MAN1A2: variants seen among roughly 807,000 people sequenced by gnomAD.
MAN1A2 encodes mannosyl-oligosaccharide 1,2-alpha-mannosidase IB.
MAN1A2 carries 26 observed loss-of-function variants against 75.7 expected under a neutral mutation model. The ratio of observed to expected loss-of-function variants is 0.34; its 90% CI spans 0.25 to 0.48. The LOEUF is 0.48. Among genes scored for constraint, MAN1A2 ranks in the 20% least tolerant of loss-of-function variants. The probability of loss-of-function intolerance (pLI) is 0.99; values close to 1 mark genes in which losing one functional copy is unlikely to be tolerated. For missense variants in MAN1A2, 562 were observed against 775.5 expected (o/e 0.72, Z 3.27); for synonymous variants, 247 against 264.6 (o/e 0.93, Z 0.65).
At chr1:117,511,367 G>A (rs542923205) in intron 12 of MAN1A2, among the ~76,000 whole-genome samples, 1 of 152,098 alleles carries the variant, frequency 6.6e-6, no homozygotes, top group East Asian at 1.9e-4. Context: ...TAGAGATGCG[G>A]GTCTTGCTAA....
At chr1:117,480,249 C>G (rs1051155932) in intron 8 of MAN1A2, among the ~76,000 whole-genome samples, 1 of 151,880 alleles carries the variant, frequency 6.6e-6, no homozygotes, top group African/African-American at 2.4e-5. Context: ...CTGTAGCTTC[C>G]CCAGTCTTTC....
At chr1:117,384,514 C>T (rs1653455391) in intron 1 of MAN1A2, among the ~76,000 whole-genome samples, 1 of 152,004 alleles carries the variant, frequency 6.6e-6, no homozygotes, top group African/African-American at 2.4e-5. Flanking sequence ...TTTTGTGGCT[C>T]AAAATGTGGT....
At chr1:117,417,518 G>T in intron 4 of MAN1A2, among the ~76,000 whole-genome samples, 2 of 61,028 alleles carry the variant, frequency 3.3e-5, no homozygotes, top group Admixed American at 1.8e-4. Context: ...TGACTTTGGA[G>T]ATATCCTTGA....
intron 4 of MAN1A2, among the ~76,000 whole-genome samples, chr1:117,417,354 A>G (rs938435429): frequency 6.6e-6 from 1 of 151,498 alleles, no homozygotes; most frequent in Non-Finnish European, 1.5e-5. Flanking sequence ...TACTATGATA[A>G]CATATTTGGA....
chr1:117,414,357 CT>C (rs1318427859), intron 3 of MAN1A2, among the ~76,000 whole-genome samples: 1 of 150,286 alleles, frequency 6.7e-6, no homozygotes. Flanking sequence ...AATTAATCCT[CT>C]TTTTTTTTCC....
At chr1:117,408,505 G>A (rs1041506223) in intron 3 of MAN1A2, among the ~76,000 whole-genome samples, 30 of 151,838 alleles carry the variant, frequency 2.0e-4, no homozygotes, top group Non-Finnish European at 2.1e-4. Context: ...ATGTAAATAT[G>A]TTCCTTTTGT....
chr1:117,475,870 G>A (rs1297377615), intron 8 of MAN1A2, among the ~76,000 whole-genome samples: 3 of 152,108 alleles, frequency 2.0e-5, no homozygotes. Context: ...AATCCTTTGG[G>A]TGTATACCCA....
At chr1:117,441,552 A>G (rs1649035125) in intron 5 of MAN1A2, among the ~76,000 whole-genome samples, 1 of 152,136 alleles carries the variant, frequency 6.6e-6, no homozygotes. Flanking sequence ...ACACTTACCT[A>G]TTGGGATATA....
At chr1:117,393,180 A>T (rs1356273034) in intron 1 of MAN1A2, among the ~76,000 whole-genome samples, 1 of 152,190 alleles carries the variant, frequency 6.6e-6, no homozygotes, top group African/African-American at 2.4e-5. Context: ...GAGTATGTTC[A>T]TTTGCTGTTG....
chr1:117,491,334 G>A (rs1414725295), intron 8 of MAN1A2, among the ~76,000 whole-genome samples: 2 of 151,966 alleles, frequency 1.3e-5, no homozygotes, highest in Non-Finnish European at 2.9e-5. Context: ...AAATCCTAGG[G>A]CCTCTAAGAA....
At chr1:117,418,465 A>T (rs1202551499) in intron 4 of MAN1A2, among the ~76,000 whole-genome samples, 2 of 152,168 alleles carry the variant, frequency 1.3e-5, no homozygotes, top group East Asian at 3.8e-4. Context: ...CTTAATAGAT[A>T]TTAAAACTGA....
At chr1:117,519,005 A>G (rs894173782) in intron 12 of MAN1A2, among the ~76,000 whole-genome samples, 7 of 152,124 alleles carry the variant, frequency 4.6e-5, no homozygotes, top group African/African-American at 1.7e-4. Flanking sequence ...CCACAGTGGA[A>G]TAAAACTGGA....
chr1:117,509,087 A>G (rs1357603675), intron 12 of MAN1A2, among the ~76,000 whole-genome samples: 1 of 151,458 alleles, frequency 6.6e-6, no homozygotes, highest in African/African-American at 2.4e-5. Flanking sequence ...ATCATTGAAG[A>G]AAAGATTGAG....
chr1:117,521,073 CT>C (rs1651858240), intron 12 of MAN1A2, among the ~76,000 whole-genome samples: 1 of 152,008 alleles, frequency 6.6e-6, no homozygotes, highest in African/African-American at 2.4e-5. Flanking sequence ...TAAAGACACC[CT>C]TTTCAACAAA....
intron 8 of MAN1A2, among the ~76,000 whole-genome samples, chr1:117,472,669 CTTTTTATTATTA>C (rs1486055713): frequency 6.6e-6 from 1 of 151,964 alleles, no homozygotes; most frequent in Non-Finnish European, 1.5e-5. Context: ...TTCACTCAGT[CTTTTTATTATTA>C]TTATTAGTTT....
intron 3 of MAN1A2, among the ~76,000 whole-genome samples, chr1:117,410,303 G>C (rs1485769707): frequency 6.6e-6 from 1 of 151,838 alleles, no homozygotes; most frequent in Non-Finnish European, 1.5e-5. Flanking sequence ...TGTAGTTTAA[G>C]ATATCAGTAT....
rs1455899365 is a variant in MAN1A2 at position 117,405,558 on chromosome 1, C to G, written c.568C>G (p.His190Asp). Residue 190 changes from histidine to aspartate, a missense_variant, in exon 3 of 13, where the codon CAT becomes GAT. By Grantham distance (81) the His-to-Asp change is moderately conservative (BLOSUM62 -1). Around this residue, in one of 2 missense-constraint regions of MAN1A2, gnomAD observed 434 missense variants for 645.7 expected, o/e 0.67. Transcript: ENST00000356554. ...KREKIKEMMK[H>D]AWDNYRTYGW... ...ATTTTTCTCTTTTCAGATGATGAAA[C>G]ATGCTTGGGATAACTATAGGACATA... 8 of 1,591,676 alleles carry G rather than the reference C, an allele frequency of 5.0e-6. No individual in the cohort carries two copies. The highest frequency in any genetic ancestry group is 6.9e-6 in the Non-Finnish European group (8 of 1,160,204).
At chr1:117,433,677 T>C (rs553080415) in intron 5 of MAN1A2, among the ~76,000 whole-genome samples, 3 of 152,222 alleles carry the variant, frequency 2.0e-5, no homozygotes, top group Non-Finnish European at 4.4e-5. Context: ...TTTTTCTAAA[T>C]TCTGTGTAGC....
At chr1:117,408,810 A>C (rs1647707744) in intron 3 of MAN1A2, among the ~76,000 whole-genome samples, 2 of 151,684 alleles carry the variant, frequency 1.3e-5, no homozygotes, top group African/African-American at 4.8e-5. Context: ...CTACAAACTT[A>C]ATTTCTCTAA....
Sources: allele counts gnomAD v4.1 joint callset (sites outside exome capture counted in the v4.1 genomes callset), GRCh38; gene constraint gnomAD v4.1.1; regional missense constraint gnomAD v4.1.1; transcripts MANE v1.5; gene names NCBI Gene and HGNC (gene_info 2026-07-23, HGNC 2026-07-21).